The following CPQ variants were observed in gnomAD, a reference collection of about 807,000 sequenced individuals.
CPQ encodes the protein Ser-Met dipeptidase.
CPQ carries 37 observed loss-of-function variants against 45.7 expected under a neutral mutation model. The ratio of observed to expected loss-of-function variants is 0.81; its 90% CI spans 0.62 to 1.07. The LOEUF (loss-of-function observed/expected upper bound fraction) is 1.07. CPQ is among the 50% of genes least tolerant of loss of function. The probability of loss-of-function intolerance (pLI) is 0.00; values close to 1 mark genes in which losing one functional copy is unlikely to be tolerated. For synonymous variants in CPQ, 186 were observed against 205.8 expected (o/e 0.90, Z 0.82); for missense variants, 537 against 572.9 (o/e 0.94, Z 0.64).
chr8:96,965,457 C>T (rs952563118), intron 4 of CPQ, among the ~76,000 whole-genome samples: 1 of 151,222 alleles, frequency 6.6e-6, no homozygotes, highest in African/African-American at 2.4e-5. Flanking sequence ...GCAAGCTCCA[C>T]CTCCCGAGTT....
Position 96,835,112 on chromosome 8 carries a change from G to A in CPQ, c.573G>A (p.Ala191=), listed in dbSNP as rs746767253. ...CGGTGCAATACCGAACGCAGGGGGC[G>A]GTGGAAGCTGCCAAGGTGGGGGCTT... ...SRTVQYRTQG[A]VEAAKVGALA... The change falls in exon 3 of 8, where the codon GCG becomes GCA. Residue 191 remains alanine, a synonymous_variant. Coordinates refer to ENST00000220763, the MANE Select transcript of CPQ (RefSeq NM_016134.4). 34 of 1,594,332 alleles carry A rather than the reference G, an allele frequency of 2.1e-5. No homozygotes were observed. The highest frequency in any genetic ancestry group is 8.1e-5 in the African/African-American group (6 of 73,878).
At chr8:96,811,463 A>T (rs1341916805) in intron 2 of CPQ, among the ~76,000 whole-genome samples, 1 of 152,154 alleles carries the variant, frequency 6.6e-6, no homozygotes, top group Non-Finnish European at 1.5e-5. Context: ...TTAACAATTC[A>T]TCAAAGTGAT....
chr8:96,782,873 T>G (rs1245524346), intron 1 of CPQ, among the ~76,000 whole-genome samples: 1 of 152,174 alleles, frequency 6.6e-6, no homozygotes, highest in Non-Finnish European at 1.5e-5. Context: ...ATGGACACAC[T>G]TTAGCCAAGT....
At chr8:96,754,504 A>G (rs1205832804) in intron 1 of CPQ, among the ~76,000 whole-genome samples, 1 of 152,046 alleles carries the variant, frequency 6.6e-6, no homozygotes, top group East Asian at 1.9e-4. Context: ...CTACCCTGGA[A>G]TGGATTATAT....
chr8:96,994,121 C>T (rs960057518), intron 5 of CPQ, among the ~76,000 whole-genome samples: 2 of 152,062 alleles, frequency 1.3e-5, no homozygotes, highest in African/African-American at 4.8e-5. Context: ...GTCTGAGTCA[C>T]CAGATAGAGG....
intron 1 of CPQ, chr8:96,761,546 ATTC>A (rs1470718811): frequency 6.6e-6 from 1 of 152,128 alleles, no homozygotes; most frequent in Non-Finnish European, 1.5e-5. Context: ...TTTCTTTGTT[ATTC>A]TTCTTACTGA....
At chr8:96,954,746 C>T (rs1177656403) in intron 4 of CPQ, among the ~76,000 whole-genome samples, 5 of 151,988 alleles carry the variant, frequency 3.3e-5, no homozygotes, top group Admixed American at 2.6e-4. Flanking sequence ...TCCCTCCCCA[C>T]TCCCCCAACC....
chr8:96,879,175 C>T (rs1224931587), intron 3 of CPQ, among the ~76,000 whole-genome samples: 1 of 152,040 alleles, frequency 6.6e-6, no homozygotes, highest in Non-Finnish European at 1.5e-5. Context: ...CCTTTAGTGC[C>T]AAAAGTATAA....
intron 3 of CPQ, among the ~76,000 whole-genome samples, chr8:96,848,303 G>GA (rs1156936108): frequency 2.0e-5 from 3 of 152,000 alleles, no homozygotes; most frequent in Non-Finnish European, 4.4e-5. Flanking sequence ...GCCTCTTTAA[G>GA]AAAAACAATA....
chr8:97,062,044 C>T (rs917485570), intron 6 of CPQ, among the ~76,000 whole-genome samples: 12 of 152,262 alleles, frequency 7.9e-5, no homozygotes, highest in East Asian at 5.8e-4. Flanking sequence ...CTCTATGTTC[C>T]TGTCAACATC....
intron 1 of CPQ, among the ~76,000 whole-genome samples, chr8:96,771,539 T>C (rs1187013905): frequency 3.3e-5 from 5 of 152,106 alleles, no homozygotes; most frequent in Non-Finnish European, 7.4e-5. Context: ...AGAAAACTCA[T>C]ATCAAAAAGT....
chr8:97,029,538 A>G (rs1455387378), intron 6 of CPQ, 44 bp downstream of exon 6: 5 of 1,489,802 alleles, frequency 3.4e-6, no homozygotes, highest in Non-Finnish European at 4.6e-6. Flanking sequence ...TACATGTAAT[A>G]TACAAAAATC....
chr8:96,681,823 C>T (rs1809156478), intron 1 of CPQ, among the ~76,000 whole-genome samples: 1 of 152,218 alleles, frequency 6.6e-6, no homozygotes, highest in Non-Finnish European at 1.5e-5. Flanking sequence ...CCACTTCTTA[C>T]ATCAGCATGA....
At chr8:96,759,848 A>G (rs1270036584) in intron 1 of CPQ, among the ~76,000 whole-genome samples, 2 of 152,180 alleles carry the variant, frequency 1.3e-5, no homozygotes, top group African/African-American at 4.8e-5. Context: ...GCCAGCTACT[A>G]TATTAGGCTC....
At position 97,051,172 on chromosome 8, in the gene CPQ, C is replaced by T. The variant is rs557845261; in HGVS notation, c.1054-14837C>T. ...CTTACTAATAAAGCTACCATTTGCC[C>T]AACAGAGGTTCTTGACCATTGCTGT... On this transcript the variant is annotated intron_variant, in intron 6 of 7. Coordinates refer to ENST00000220763, the MANE Select transcript of CPQ (RefSeq NM_016134.4). Among the ~76,000 whole-genome samples the T allele has an allele frequency of 8.5e-5, 13 of 152,240 alleles. No individual in the cohort carries two copies. The East Asian group carries it at 2.3e-3, about 27-fold the overall frequency.
At chr8:96,820,930 T>G (rs1487477063) in intron 2 of CPQ, among the ~76,000 whole-genome samples, 1 of 152,094 alleles carries the variant, frequency 6.6e-6, no homozygotes, top group Non-Finnish European at 1.5e-5. Flanking sequence ...CCACCAACAG[T>G]GTATGAAGGT....
chr8:96,654,502 AG>A (rs1305160767), intron 1 of CPQ, among the ~76,000 whole-genome samples: 1 of 152,088 alleles, frequency 6.6e-6, no homozygotes. Context: ...CTTTCCATAG[AG>A]TACTGTGTAT....
At chr8:97,096,775 G>A (rs936759498) in intron 7 of CPQ, among the ~76,000 whole-genome samples, 6 of 152,230 alleles carry the variant, frequency 3.9e-5, no homozygotes, top group Admixed American at 6.5e-5. Context: ...GAGGGGAAGA[G>A]TATAGTCCCT....
intron 7 of CPQ, among the ~76,000 whole-genome samples, chr8:97,091,691 A>C (rs1178999997): frequency 6.6e-6 from 1 of 152,184 alleles, no homozygotes; most frequent in Non-Finnish European, 1.5e-5. Context: ...AGCATTTAGG[A>C]ACTTATACAT....
Sources: allele counts gnomAD v4.1 joint callset (sites outside exome capture counted in the v4.1 genomes callset), GRCh38; gene constraint gnomAD v4.1.1; transcripts MANE v1.5; gene names NCBI Gene and HGNC (gene_info 2026-07-23, HGNC 2026-07-21).